Variants in CFAP46 observed in about 807,000 individuals in gnomAD.
The protein encoded by CFAP46 is cilia and flagella associated protein 46, also known as cilia- and flagella-associated protein 46.
CFAP46 carries 245 observed loss-of-function variants against 325.7 expected under a neutral mutation model. The observed-to-expected ratio is 0.75, with a 90% CI of 0.68 to 0.84. The LOEUF (loss-of-function observed/expected upper bound fraction) is 0.84, where lower values mean the gene tolerates loss of function less well. Ranked by LOEUF, CFAP46 falls within the 40% of genes least tolerant of loss-of-function variation. The pLI is 0.00. For synonymous variants in CFAP46, 1,523 were observed against 1,495.9 expected (o/e 1.02, Z -0.42); for missense variants, 3,346 against 3,543.0 (o/e 0.94, Z 1.41).
In CFAP46 at chr10:132,909,014, G is replaced by A. The variant is rs1349084279; in HGVS notation, c.2757+123C>T. 16 of 679,426 alleles carry A rather than the reference G, an allele frequency of 2.4e-5. No individual in the cohort carries two copies. The South Asian group carries it at 2.4e-4, about 10-fold the overall frequency. The allele number at this position is 679,426 out of a possible 1,614,324, so 42.1% of individuals were successfully genotyped here. On this transcript the variant is annotated intron_variant, in intron 21 of 57. Coordinates refer to ENST00000368586, the MANE Select transcript of CFAP46 (RefSeq NM_001200049.3). Reference sequence around the variant, plus strand: ...GGCGCAGCTCCGTTGGGAGGTGGGGGAGAGCGGGGCAGAGTGGGGGTGAGC... The same window carrying A: ...GGCGCAGCTCCGTTGGGAGGTGGGGAAGAGCGGGGCAGAGTGGGGGTGAGC...
Position 132,934,740 on chromosome 10 carries a change from A to G in CFAP46, c.866+12T>C, listed in dbSNP as rs778301845. 5.9e-6 allele frequency: 9 copies of G among 1,518,674 alleles called. No individual in the cohort carries two copies. Among genetic ancestry groups the G allele is most frequent in the Non-Finnish European group, 6.4e-6 (7 of 1,097,392 alleles). The allele number at this position is 1,518,674 out of a possible 1,614,324, so 94.1% of individuals were successfully genotyped here. ...TATGAAGATGTGATATTGGAAAAAT[A>G]CAAACACTTACTTTTCTTCACTGAT... On this transcript the variant is annotated intron_variant, in intron 8 of 57. Transcript: ENST00000368586.
Position 132,888,170 on chromosome 10 carries a change from G to A in CFAP46, c.3305-2211C>T, listed in dbSNP as rs367970744. 1.2e-4 allele frequency among the ~76,000 whole-genome samples: 18 copies of A among 151,536 alleles called. No homozygotes were observed. The South Asian group carries it at 2.1e-3, about 18-fold the overall frequency. ...ATCTCAAGTCAATTTCTGCTGCATCGAGCGCCCGAGAACCATAGTGGGCAC... is the reference window on the plus strand; with the variant it reads ...ATCTCAAGTCAATTTCTGCTGCATCAAGCGCCCGAGAACCATAGTGGGCAC... On this transcript the variant is annotated intron_variant, in intron 25 of 57. Coordinates refer to ENST00000368586, the MANE Select transcript of CFAP46 (RefSeq NM_001200049.3).
rs1001795375 is a variant in CFAP46, at chr10:132,889,324, G to T, written c.3304+3009C>A. Reference sequence around the variant, plus strand: ...CCAGAGCCGACCGGCTGGGTCTAGGGAGCAGAGGTGCCCATGGCTGGAAGG... The same window carrying T: ...CCAGAGCCGACCGGCTGGGTCTAGGTAGCAGAGGTGCCCATGGCTGGAAGG... On this transcript the variant is annotated intron_variant, in intron 25 of 57. Coordinates refer to ENST00000368586, the MANE Select transcript of CFAP46 (RefSeq NM_001200049.3). This position sits in a 1 kb window ranked among gnomAD's most constrained non-coding sequence, Gnocchi z 6.0. Among the ~76,000 whole-genome samples the T allele has an allele frequency of 6.6e-6, 1 of 152,216 alleles. No individual in the cohort carries two copies. Among genetic ancestry groups the T allele is most frequent in the Non-Finnish European group, 1.5e-5 (1 of 68,038 alleles).
chr10:132,822,756 A>ATGTGT (rs1450333642), intron 50 of CFAP46, among the ~76,000 whole-genome samples: 2 of 30,902 alleles, frequency 6.5e-5, no homozygotes, highest in Non-Finnish European at 6.9e-5. Flanking sequence ...GTGCTGTGTG[A>ATGTGT]GTGCTGATGT....
rs752588737 is a variant in CFAP46, at chr10:132,877,973, CCTT to C, written c.4117_4119del (p.Lys1373del). ...TCCTTCTCTTTACTCCTCTCCTTCTCCTTCTCTTTACTCCTCTCATTCTCCTTC... is the reference window on the plus strand; with the variant it reads ...TCCTTCTCTTTACTCCTCTCCTTCTCCTCTTTACTCCTCTCATTCTCCTTC... On this transcript the variant is annotated inframe_deletion, in exon 30 of 58. Transcript: ENST00000368586. The surrounding 1 kb of genome is among the most constrained non-coding windows in gnomAD (Gnocchi z 5.7). 8.4e-6 allele frequency: 13 copies of C among 1,550,432 alleles called. No homozygotes were observed. Among genetic ancestry groups the C allele is most frequent in the Admixed American group, 5.9e-5 (3 of 50,954 alleles).
chr10:132,822,672 T>C (rs1847892748), intron 50 of CFAP46, among the ~76,000 whole-genome samples: 1 of 141,134 alleles, frequency 7.1e-6, no homozygotes, highest in Non-Finnish European at 1.5e-5. Flanking sequence ...TGTGCGCTTG[T>C]GTGTGCTGTG....
intron 19 of CFAP46, 68 bp downstream of exon 19, chr10:132,912,587 C>G: frequency 7.1e-7 from 1 of 1,416,006 alleles, no homozygotes; most frequent in Non-Finnish European, 9.3e-7. Context: ...CTCCTCTCCT[C>G]TCTCTCTCTC....
chr10:132,942,203 C>T (rs920009585), intron 1 of CFAP46, 99 bp from the exon 2 acceptor site: 10 of 1,459,666 alleles, frequency 6.9e-6, no homozygotes, highest in Non-Finnish European at 8.3e-6. Flanking sequence ...GCCTTGGGCC[C>T]CCGGGCCACA....
intron 22 of CFAP46, among the ~76,000 whole-genome samples, chr10:132,901,682 G>T (rs1849393832): frequency 6.6e-6 from 1 of 152,200 alleles, no homozygotes; most frequent in Non-Finnish European, 1.5e-5. Context: ...TTTAAGAACT[G>T]AAAGGGAAAA....
intron 31 of CFAP46, among the ~76,000 whole-genome samples, chr10:132,873,703 G>C (rs1467747556): frequency 6.6e-6 from 1 of 152,134 alleles, no homozygotes; most frequent in African/African-American, 2.4e-5. Context: ...TGACAACCAG[G>C]CAGAGGGGCC....
intron 32 of CFAP46, among the ~76,000 whole-genome samples, chr10:132,871,579 T>C (rs971627166): frequency 6.6e-6 from 1 of 152,210 alleles, no homozygotes; most frequent in Non-Finnish European, 1.5e-5. Flanking sequence ...GGATCCAAGA[T>C]TTCAGTAGAA....
chr10:132,842,527 C>G (rs971607986), intron 44 of CFAP46, among the ~76,000 whole-genome samples: 3 of 152,202 alleles, frequency 2.0e-5, no homozygotes, highest in Non-Finnish European at 2.9e-5. Context: ...AAGCCTTCTC[C>G]TCTAAATGCT....
In CFAP46 at chr10:132,832,095, CATT is replaced by C. The variant is rs10557982; in HGVS notation, c.7117+1260_7117+1262del. Among the ~76,000 whole-genome samples the C allele has an allele frequency of 5.9e-3, 905 of 152,252 alleles. 8 individuals carry two copies. The highest frequency in any genetic ancestry group is 0.02 in the African/African-American group (836 of 41,526). The stretch of plus-strand genomic sequence containing the variant: ...ACATTTATGTTATAAAACCCCATAC[CATT>C]ATTATTGTCTTTTGCTCTAAGCTTT... On this transcript the variant is annotated intron_variant, in intron 50 of 57. Coordinates refer to ENST00000368586, the MANE Select transcript of CFAP46 (RefSeq NM_001200049.3). The surrounding 1 kb of genome is among the most constrained non-coding windows in gnomAD (Gnocchi z 4.1).
intron 26 of CFAP46, among the ~76,000 whole-genome samples, chr10:132,885,575 C>T (rs996269919): frequency 3.4e-5 from 5 of 145,090 alleles, no homozygotes; most frequent in Admixed American, 1.4e-4. Context: ...AGGGGGACAG[C>T]GTGGAGCAGG....
At chr10:132,904,629 G>C (rs1483833619) in intron 22 of CFAP46, among the ~76,000 whole-genome samples, 1 of 152,362 alleles carries the variant, frequency 6.6e-6, no homozygotes, top group African/African-American at 2.4e-5. Context: ...ACATCCTCCT[G>C]TTGTGTGCCG....
chr10:132,839,221 G>T (rs185116483), intron 44 of CFAP46, among the ~76,000 whole-genome samples: 12 of 152,158 alleles, frequency 7.9e-5, no homozygotes, highest in African/African-American at 2.9e-4. Context: ...CTGATTTGTC[G>T]TTTTTCCCTT....
At chr10:132,846,885 C>G in intron 43 of CFAP46, 47 bp downstream of exon 43, 7 of 1,565,188 alleles carry the variant, frequency 4.5e-6, no homozygotes, top group Non-Finnish European at 6.1e-6. Context: ...AGGGTCCTCC[C>G]TCCTCCATGA....
intron 36 of CFAP46, 76 bp downstream of exon 36, chr10:132,860,706 C>T: frequency 6.8e-7 from 1 of 1,464,030 alleles, no homozygotes; most frequent in Non-Finnish European, 9.3e-7. Context: ...AGGCAGAGCC[C>T]CATGGACGCC....
In CFAP46 at chr10:132,887,219, CTT is replaced by C. The variant is rs796625135; in HGVS notation, c.3305-1262_3305-1261del. Among the ~76,000 whole-genome samples, 8 of 75,714 alleles carry C rather than the reference CTT, an allele frequency of 1.1e-4. 2 individuals are homozygous for C. The highest frequency in any genetic ancestry group is 4.4e-4 in the South Asian group (1 of 2,294). 49.7% of individuals were successfully genotyped at this position (75,714 alleles called of 152,430 possible). On this transcript the variant is annotated intron_variant, in intron 25 of 57. Coordinates refer to ENST00000368586, the MANE Select transcript of CFAP46 (RefSeq NM_001200049.3). ...TCTCTCCTCTTCTTTCCTCTCCCCT[CTT>C]CTCTCTCTCCTCTCCCCTCTTCTCT... is the stretch of plus-strand genomic sequence containing the variant.
Sources: allele counts gnomAD v4.1 joint callset (sites outside exome capture counted in the v4.1 genomes callset), GRCh38; gene constraint gnomAD v4.1.1; non-coding constraint Gnocchi (gnomAD v3.1); transcripts MANE v1.5; gene names NCBI Gene and HGNC (gene_info 2026-07-23, HGNC 2026-07-21).